TMPRSS7: variants seen among roughly 807,000 people sequenced by gnomAD.
The protein encoded by TMPRSS7 is transmembrane serine protease 7.
In TMPRSS7, 81 loss-of-function variants were observed where a neutral mutation model predicts 95.6. The ratio of observed to expected loss-of-function variants is 0.85; its 90% CI spans 0.71 to 1.02. The LOEUF is 1.02. Ranked by LOEUF, TMPRSS7 falls within the 50% of genes least tolerant of loss-of-function variation. The pLI is 0.00. For missense variants in TMPRSS7, 945 were observed against 955.2 expected, an observed-to-expected ratio of 0.99 and a Z score of 0.14; for synonymous variants, 364 against 337.8, an observed-to-expected ratio of 1.08 and a Z score of -0.85.
At chr3:112,059,406 A>T (rs977988208) in intron 10 of TMPRSS7, among the ~76,000 whole-genome samples, 2 of 152,148 alleles carry the variant, frequency 1.3e-5, no homozygotes, top group South Asian at 4.1e-4. Flanking sequence ...ATTATTCCCC[A>T]TTGCATACTC....
Position 112,057,008 on chromosome 3 carries a change from A to C in TMPRSS7, c.1204-17A>C. 1.3e-6 allele frequency: 2 copies of C among 1,538,656 alleles called. No homozygotes were observed. The highest frequency in any genetic ancestry group is 1.8e-6 in the Non-Finnish European group (2 of 1,120,954). On this transcript the variant is annotated splice_polypyrimidine_tract_variant and intron_variant, in intron 9 of 17. Coordinates refer to ENST00000452346, the Ensembl canonical transcript of TMPRSS7. ...TGATTGAAGCATTTTTTTCTGACTT[A>C]ATGTTTATTTTCACAGACTTCTCTA...
At chr3:112,056,843 G>A (rs1012826786) in intron 9 of TMPRSS7, among the ~76,000 whole-genome samples, 182 bp from the exon 10 acceptor site, 8 of 152,164 alleles carry the variant, frequency 5.3e-5, no homozygotes, top group Non-Finnish European at 1.0e-4. Flanking sequence ...TGAATACATG[G>A]CTGCCTGCTT....
intron 9 of TMPRSS7, among the ~76,000 whole-genome samples, chr3:112,056,220 G>A (rs562570110): frequency 1.3e-5 from 2 of 152,192 alleles, no homozygotes; most frequent in South Asian, 4.1e-4. Flanking sequence ...CTTTTTTAAA[G>A]TGACCATGAA....
At chr3:112,050,851 CATTT>C in intron 9 of TMPRSS7, 68 bp downstream of exon 9, 1 of 765,700 alleles carries the variant, frequency 1.3e-6, no homozygotes, top group Non-Finnish European at 2.1e-6. Context: ...GAATTTCATT[CATTT>C]TTTAATTACA....
At chr3:112,063,868 G>A (rs2073543534) in intron 12 of TMPRSS7, among the ~76,000 whole-genome samples, 1 of 152,160 alleles carries the variant, frequency 6.6e-6, no homozygotes, top group African/African-American at 2.4e-5. Context: ...CAAGCATTGG[G>A]TCCACCTGAG....
chr3:112,078,755 C>T (rs369208218), exon 17 of TMPRSS7: 63 of 1,614,052 alleles, frequency 3.9e-5, no homozygotes, highest in Non-Finnish European at 5.0e-5. Flanking sequence ...ATAAAGGCTC[C>T]CTCGTTCTGC....
chr3:112,035,753 G>A (rs2073146364), intron 1 of TMPRSS7, among the ~76,000 whole-genome samples: 1 of 152,106 alleles, frequency 6.6e-6, no homozygotes, highest in African/African-American at 2.4e-5. Flanking sequence ...AGAATTCACA[G>A]CATCAAATAG....
At chr3:112,071,426 G>A (rs1307341768) in intron 13 of TMPRSS7, among the ~76,000 whole-genome samples, 1 of 152,072 alleles carries the variant, frequency 6.6e-6, no homozygotes, top group East Asian at 1.9e-4. Flanking sequence ...TATGTGTCTT[G>A]GGGTTGCTCT....
At chr3:112,051,263 C>CT (rs2073345005) in intron 9 of TMPRSS7, among the ~76,000 whole-genome samples, 1 of 151,838 alleles carries the variant, frequency 6.6e-6, no homozygotes, top group Non-Finnish European at 1.5e-5. Flanking sequence ...AAATAAAAAA[C>CT]AATACAATAT....
At chr3:112,055,347 TTAAG>T (rs1158275384) in intron 9 of TMPRSS7, among the ~76,000 whole-genome samples, 1 of 152,102 alleles carries the variant, frequency 6.6e-6, no homozygotes, top group Non-Finnish European at 1.5e-5. Flanking sequence ...GTTGTGATGT[TTAAG>T]TGAGAAACAT....
intron 13 of TMPRSS7, among the ~76,000 whole-genome samples, chr3:112,071,518 A>C (rs1045866896): frequency 1.3e-5 from 2 of 152,204 alleles, no homozygotes; most frequent in African/African-American, 4.8e-5. Context: ...GGAAGTTCTC[A>C]TGGATAATAT....
intron 1 of TMPRSS7, among the ~76,000 whole-genome samples, chr3:112,037,275 G>T (rs568826145): frequency 1.3e-5 from 2 of 152,318 alleles, no homozygotes; most frequent in East Asian, 3.9e-4. Flanking sequence ...CCTGGGAAAA[G>T]AAAGCATTCC....
intron 1 of TMPRSS7, among the ~76,000 whole-genome samples, chr3:112,037,617 T>C (rs577087937): frequency 2.6e-5 from 4 of 152,220 alleles, no homozygotes; most frequent in Non-Finnish European, 5.9e-5. Context: ...ACCCTATTCA[T>C]ACACTACCTC....
At chr3:112,066,936 C>T (rs1161784246) in intron 13 of TMPRSS7, among the ~76,000 whole-genome samples, 1 of 152,020 alleles carries the variant, frequency 6.6e-6, no homozygotes, top group Non-Finnish European at 1.5e-5. Flanking sequence ...CCCATCAACT[C>T]GTCATTTACA....
intron 13 of TMPRSS7, among the ~76,000 whole-genome samples, chr3:112,070,697 C>A (rs2073635661): frequency 6.6e-6 from 1 of 152,176 alleles, no homozygotes; most frequent in African/African-American, 2.4e-5. Context: ...CTTCCTCCAA[C>A]CCTTTATTTT....
At chr3:112,069,493 C>T (rs2073616562) in intron 13 of TMPRSS7, among the ~76,000 whole-genome samples, 1 of 152,222 alleles carries the variant, frequency 6.6e-6, no homozygotes, top group South Asian at 2.1e-4. Flanking sequence ...AGTATTGCCT[C>T]AATTTCAGAG....
At chr3:112,078,902 G>A in intron 17 of TMPRSS7, 24 bp downstream of exon 17, 6 of 1,609,684 alleles carry the variant, frequency 3.7e-6, no homozygotes, top group Non-Finnish European at 4.2e-6. Context: ...CCTTTCCCTT[G>A]CCTAACATGT....
chr3:112,073,295 T>C (rs1426930466), intron 13 of TMPRSS7, among the ~76,000 whole-genome samples: 3 of 151,978 alleles, frequency 2.0e-5, no homozygotes, highest in Non-Finnish European at 4.4e-5. Flanking sequence ...GGTTTCACCA[T>C]GTTGGCCACA....
At position 112,069,378 on chromosome 3, in the gene TMPRSS7, T is replaced by A. The variant is rs545188512; in HGVS notation, c.1666+2876T>A. 2.0e-5 allele frequency among the ~76,000 whole-genome samples: 3 copies of A among 152,352 alleles called. No individual in the cohort carries two copies. The East Asian group carries it at 5.8e-4, about 29-fold the overall frequency. Reference sequence around the variant, plus strand: ...GAGGATTCCCTCTTTTTCTATTGATTGGAATAGTTTCAGAAGGAATGTTAC... The same window carrying A: ...GAGGATTCCCTCTTTTTCTATTGATAGGAATAGTTTCAGAAGGAATGTTAC... On this transcript the variant is annotated intron_variant, in intron 13 of 17. Coordinates refer to ENST00000452346, the Ensembl canonical transcript of TMPRSS7.
Sources: allele counts gnomAD v4.1 joint callset (sites outside exome capture counted in the v4.1 genomes callset), GRCh38; gene constraint gnomAD v4.1.1; transcripts MANE v1.5; gene names NCBI Gene and HGNC (gene_info 2026-07-23, HGNC 2026-07-21).